MALRD1: variants seen among roughly 807,000 people sequenced by gnomAD.
MALRD1 encodes MAM and LDL-receptor class A domain-containing protein 1.
In MALRD1, 247 loss-of-function variants were observed where a neutral mutation model predicts 242.1. That is an observed-to-expected ratio of 1.02 (90% CI 0.92 to 1.13). The LOEUF (loss-of-function observed/expected upper bound fraction) is 1.13. Ranked by LOEUF, MALRD1 falls within the 50% of genes most tolerant of loss-of-function variation. The pLI is 0.00. For synonymous variants in MALRD1, 995 were observed against 866.6 expected (o/e 1.15, Z -2.60); for missense variants, 2,989 against 2,533.1 (o/e 1.18, Z -3.86).
intron 38 of MALRD1, among the ~76,000 whole-genome samples, chr10:19,699,115 G>A (rs909217694): frequency 1.3e-5 from 2 of 151,864 alleles, no homozygotes; most frequent in Non-Finnish European, 2.9e-5. Flanking sequence ...CCTAGATGAC[G>A]GGTTGATGGG....
intron 2 of MALRD1, among the ~76,000 whole-genome samples, chr10:19,080,622 A>T (rs1354966880): frequency 3.9e-5 from 6 of 152,056 alleles, no homozygotes; most frequent in Non-Finnish European, 8.8e-5. Flanking sequence ...TTAATTCAAG[A>T]TGGACTAAAG....
At chr10:19,618,842 A>G (rs1233456203) in intron 36 of MALRD1, among the ~76,000 whole-genome samples, 1 of 152,000 alleles carries the variant, frequency 6.6e-6, no homozygotes, top group Non-Finnish European at 1.5e-5. Context: ...ATCACTGCCC[A>G]TGCCTGTCAC....
At chr10:19,554,743 A>G (rs1236884277) in intron 32 of MALRD1, among the ~76,000 whole-genome samples, 1 of 152,140 alleles carries the variant, frequency 6.6e-6, no homozygotes, top group Admixed American at 6.6e-5. Flanking sequence ...TTATGGCTGC[A>G]TAGCATTCTA....
intron 10 of MALRD1, among the ~76,000 whole-genome samples, chr10:19,145,259 G>A (rs549618722): frequency 2.0e-5 from 3 of 152,210 alleles, no homozygotes; most frequent in Admixed American, 6.5e-5. Context: ...TATAAAGTAT[G>A]CTCCAAACCC....
intron 24 of MALRD1, among the ~76,000 whole-genome samples, chr10:19,335,084 T>G (rs1215233345): frequency 1.3e-5 from 2 of 152,092 alleles, no homozygotes; most frequent in Non-Finnish European, 2.9e-5. Flanking sequence ...GTTAGTTCTT[T>G]TATTTCAAAC....
chr10:19,314,358 A>G (rs1281424627), intron 21 of MALRD1, among the ~76,000 whole-genome samples: 2 of 151,578 alleles, frequency 1.3e-5, no homozygotes, highest in Non-Finnish European at 3.0e-5. Flanking sequence ...ATGAGGGTAC[A>G]TTTGAAATAT....
intron 2 of MALRD1, among the ~76,000 whole-genome samples, chr10:19,083,555 C>A (rs1835562490): frequency 6.6e-6 from 1 of 151,902 alleles, no homozygotes; most frequent in Non-Finnish European, 1.5e-5. Flanking sequence ...GTAGAAAAAG[C>A]ATTTTATACT....
chr10:19,628,648 G>A (rs1291444797), intron 36 of MALRD1, among the ~76,000 whole-genome samples: 1 of 152,010 alleles, frequency 6.6e-6, no homozygotes, highest in Non-Finnish European at 1.5e-5. Context: ...ATTGGCTTGG[G>A]GGAAAGAGAG....
At chr10:19,067,976 G>T (rs1428898860) in intron 2 of MALRD1, among the ~76,000 whole-genome samples, 1 of 152,068 alleles carries the variant, frequency 6.6e-6, no homozygotes, top group Non-Finnish European at 1.5e-5. Context: ...TTACCAAAAA[G>T]GGTCCAGCTT....
At chr10:19,234,760 T>A (rs1216585046) in intron 18 of MALRD1, among the ~76,000 whole-genome samples, 1 of 152,154 alleles carries the variant, frequency 6.6e-6, no homozygotes, top group East Asian at 1.9e-4. Context: ...AGGTGATCAT[T>A]GTCCTCATGG....
intron 7 of MALRD1, among the ~76,000 whole-genome samples, chr10:19,124,956 T>TTTC (rs1588580070): frequency 7.6e-6 from 1 of 132,344 alleles, no homozygotes; most frequent in East Asian, 2.2e-4. Context: ...TTTTTTTTTT[T>TTTC]TTTTTTTGAG....
intron 14 of MALRD1, among the ~76,000 whole-genome samples, chr10:19,188,572 A>G (rs910511977): frequency 5.9e-5 from 9 of 152,184 alleles, no homozygotes; most frequent in Admixed American, 5.9e-4. Flanking sequence ...GTGTTCAGAA[A>G]TGAATAGAGT....
At chr10:19,161,441 C>T (rs1352046624) in intron 12 of MALRD1, among the ~76,000 whole-genome samples, 2 of 127,804 alleles carry the variant, frequency 1.6e-5, no homozygotes, top group African/African-American at 2.8e-5. Context: ...CAGCGTGGCA[C>T]ATGTATACAT....
intron 31 of MALRD1, among the ~76,000 whole-genome samples, chr10:19,504,437 C>A (rs187875083): frequency 3.3e-5 from 5 of 152,154 alleles, no homozygotes; most frequent in African/African-American, 9.6e-5. Context: ...GACTCCCCTA[C>A]TTCTACTAAT....
Position 19,711,009 on chromosome 10 carries a change from A to G in MALRD1, c.6314+18455A>G, listed in dbSNP as rs1002152490. The G allele has an allele frequency of 6.6e-5, 10 of 152,362 alleles. No individual in the cohort carries two copies. In the South Asian group the frequency reaches 8.3e-4, roughly 13 times the overall value. 9.4% of individuals were successfully genotyped at this position (152,362 alleles called of 1,614,324 possible). A position where few individuals can be genotyped will look rare whatever the true frequency, so the allele number is the denominator to read the frequency against. ...TAGTAGTAAGTTATATAGTTTTCCA[A>G]TGGCATGTAGCAAATTATTCAGCAC... On this transcript the variant is annotated intron_variant, in intron 38 of 39. Transcript: ENST00000454679.
At chr10:19,595,607 G>A in intron 34 of MALRD1, 150 bp downstream of exon 34, 2 of 1,004,820 alleles carry the variant, frequency 2.0e-6, no homozygotes, top group Non-Finnish European at 2.8e-6. Flanking sequence ...TGCAAAACAA[G>A]GCATCTGTCC....
At chr10:19,193,458 G>T (rs1467678625) in intron 14 of MALRD1, among the ~76,000 whole-genome samples, 1 of 152,152 alleles carries the variant, frequency 6.6e-6, no homozygotes, top group African/African-American at 2.4e-5. Flanking sequence ...CAGAGGCTGA[G>T]ATGAAAGGAT....
intron 12 of MALRD1, among the ~76,000 whole-genome samples, chr10:19,160,327 G>A (rs1834342741): frequency 7.3e-6 from 1 of 136,434 alleles, no homozygotes; most frequent in Admixed American, 7.6e-5. Context: ...TGATCATGGT[G>A]GATAAGCTTT....
At chr10:19,649,553 G>A (rs548744924) in intron 36 of MALRD1, among the ~76,000 whole-genome samples, 1 of 152,228 alleles carries the variant, frequency 6.6e-6, no homozygotes, top group Admixed American at 6.5e-5. Context: ...GTCTGTTCAT[G>A]TCCTTTGTCC....
Sources: allele counts gnomAD v4.1 joint callset (sites outside exome capture counted in the v4.1 genomes callset), GRCh38; gene constraint gnomAD v4.1.1; transcripts MANE v1.5; gene names NCBI Gene and HGNC (gene_info 2026-07-23, HGNC 2026-07-21).